Variants in EIPR1 observed in about 807,000 individuals in gnomAD.
EIPR1 encodes EARP and GARP complex-interacting protein 1.
Under a neutral mutation model 48.1 loss-of-function variants are expected in EIPR1, and 25 were observed. The ratio of observed to expected loss-of-function variants is 0.52; its 90% CI spans 0.38 to 0.73. The LOEUF (loss-of-function observed/expected upper bound fraction) is 0.73, where lower values mean the gene tolerates loss of function less well. EIPR1 is among the 30% of genes least tolerant of loss of function. The probability of loss-of-function intolerance (pLI) is 0.00; values close to 1 mark genes in which losing one functional copy is unlikely to be tolerated. For missense variants in EIPR1, 415 were observed against 506.2 expected, an observed-to-expected ratio of 0.82 and a Z score of 1.73; for synonymous variants, 204 against 201.9, an observed-to-expected ratio of 1.01 and a Z score of -0.09.
intron 3 of EIPR1, among the ~76,000 whole-genome samples, chr2:3,266,890 C>T (rs912344181): frequency 6.6e-6 from 1 of 152,382 alleles, no homozygotes; most frequent in Admixed American, 6.5e-5. Context: ...GACCACCGTG[C>T]AGAGGCGTGG....
chr2:3,275,828 T>C (rs189154509), intron 3 of EIPR1, among the ~76,000 whole-genome samples: 135 of 152,290 alleles, frequency 8.9e-4, no homozygotes, highest in African/African-American at 2.8e-3. Context: ...TAAGTTAAAT[T>C]ATCTAGCTGC....
At chr2:3,334,115 T>G (rs909791088) in intron 3 of EIPR1, among the ~76,000 whole-genome samples, 1 of 152,050 alleles carries the variant, frequency 6.6e-6, no homozygotes, top group Admixed American at 6.5e-5. Flanking sequence ...AACAGGAGCT[T>G]CTCTATAAGC....
chr2:3,199,373 C>T (rs772876862), intron 5 of EIPR1, among the ~76,000 whole-genome samples: 18 of 152,146 alleles, frequency 1.2e-4, no homozygotes, highest in Middle Eastern at 3.4e-3. Flanking sequence ...ACGAAGATGA[C>T]GGGATTAAGA....
Position 3,196,963 on chromosome 2 carries a change from G to A in EIPR1, c.571C>T (p.Arg191Trp), listed in dbSNP as rs779589551. ...GTGCAGTTATGATGTGGGCTCCACC[G>A]TCCTGAGGTGAACTTCAGTTGTCCC... ...GKGQLKFTSG[R>W]WSPHHNCTQV... Residue 191 changes from arginine to tryptophan, a missense_variant, in exon 6 of 9, where the codon CGG (arginine) becomes TGG (tryptophan). Transcript: ENST00000382125. 10 of 1,613,852 alleles carry A rather than the reference G, an allele frequency of 6.2e-6. No individual in the cohort carries two copies. Among genetic ancestry groups the A allele is most frequent in the South Asian group, 4.4e-5 (4 of 91,088 alleles).
intron 3 of EIPR1, among the ~76,000 whole-genome samples, chr2:3,305,959 A>T (rs1418723438): frequency 6.6e-6 from 1 of 152,156 alleles, no homozygotes; most frequent in Non-Finnish European, 1.5e-5. Context: ...ATGACCTGAA[A>T]ATTTCAAATC....
In EIPR1 at chr2:3,199,503, G is replaced by A. The variant is rs181098723; in HGVS notation, c.517-2486C>T. ...ACGGCTTCAGCAGGTCCCTCTGTTC[G>A]CAGTCCCTGACTTCCTGCAACACCT... is the stretch of plus-strand genomic sequence containing the variant. On this transcript the variant is annotated intron_variant, in intron 5 of 8. Coordinates refer to ENST00000382125, the MANE Select transcript of EIPR1 (RefSeq NM_003310.5). Among the ~76,000 whole-genome samples, 108 of 152,302 alleles carry A rather than the reference G, an allele frequency of 7.1e-4. 1 individual carries two copies. The highest frequency in any genetic ancestry group is 2.3e-3 in the African/African-American group (95 of 41,558).
Position 3,286,441 on chromosome 2 carries a change from T to C in EIPR1, c.260-28986A>G, listed in dbSNP as rs895285310. Among the ~76,000 whole-genome samples, 4 of 151,316 alleles carry C rather than the reference T, an allele frequency of 2.6e-5. No individual in the cohort carries two copies. The highest frequency in any genetic ancestry group is 9.7e-5 in the African/African-American group (4 of 41,078). On this transcript the variant is annotated intron_variant, in intron 3 of 8. Transcript: ENST00000382125. The surrounding 1 kb of genome is among the most constrained non-coding windows in gnomAD (Gnocchi z 4.2). ...GAGCAGTGCCAAGGACCCCCGGGGG[T>C]GGGGCCATCCTACCAGGCATGTCCT...
Position 3,305,678 on chromosome 2 carries a change from C to A in EIPR1, c.259+32339G>T, listed in dbSNP as rs189409944. ...CGGGGAAAGACAGACAAAGGGGGACCTGCCCGCCCTCCAGAAAGGCCCTCA... is the reference window on the plus strand; with the variant it reads ...CGGGGAAAGACAGACAAAGGGGGACATGCCCGCCCTCCAGAAAGGCCCTCA... On this transcript the variant is annotated intron_variant, in intron 3 of 8. Coordinates refer to ENST00000382125, the MANE Select transcript of EIPR1 (RefSeq NM_003310.5). Among the ~76,000 whole-genome samples, 101 of 152,344 alleles carry A rather than the reference C, an allele frequency of 6.6e-4. 1 individual carries two copies. Among genetic ancestry groups the A allele is most frequent in the African/African-American group, 2.2e-3 (93 of 41,584 alleles).
In EIPR1 at chr2:3,337,953, C is replaced by T. The variant is rs1670115948; in HGVS notation, c.259+64G>A. 8 of 1,529,888 alleles carry T rather than the reference C, an allele frequency of 5.2e-6. No homozygotes were observed. In the East Asian group the frequency reaches 6.9e-5, roughly 13 times the overall value. 94.8% of individuals were successfully genotyped at this position (1,529,888 alleles called of 1,614,324 possible). On this transcript the variant is annotated intron_variant, in intron 3 of 8. Transcript: ENST00000382125. Reference sequence around the variant, plus strand: ...GTGTCGACCCATTAGCAATACAAAACCCGTCTTAGGAAATACCTCCAGTTA... The same window carrying T: ...GTGTCGACCCATTAGCAATACAAAATCCGTCTTAGGAAATACCTCCAGTTA...
At chr2:3,226,661 GTCTTATCCAAAAGA>G (rs1666076313) in intron 4 of EIPR1, among the ~76,000 whole-genome samples, 1 of 152,160 alleles carries the variant, frequency 6.6e-6, no homozygotes, top group Non-Finnish European at 1.5e-5. Flanking sequence ...GTGCTTTTGT[GTCTTATCCAAAAGA>G]TCATTGCCAA....
At chr2:3,208,401 A>ATCTGGGGCTGTGGGTCAGG in intron 5 of EIPR1, 1 of 1,430,296 alleles carries the variant, frequency 7.0e-7, no homozygotes, top group Non-Finnish European at 9.2e-7. Context: ...ACAGCCCCAG[A>ATCTGGGGCTGTGGGTCAGG]TCTGGCACTC....
At chr2:3,239,750 C>T (rs1666534171) in intron 4 of EIPR1, among the ~76,000 whole-genome samples, 1 of 152,226 alleles carries the variant, frequency 6.6e-6, no homozygotes, top group Non-Finnish European at 1.5e-5. Flanking sequence ...GGTGCAGACA[C>T]TCAGGGCATC....
chr2:3,220,043 A>G (rs1665825043), intron 4 of EIPR1, among the ~76,000 whole-genome samples: 1 of 152,210 alleles, frequency 6.6e-6, no homozygotes, highest in African/African-American at 2.4e-5. Flanking sequence ...TGAACTGTGC[A>G]TGAGAGGGAT....
chr2:3,343,177 T>C (rs915463574), intron 2 of EIPR1, among the ~76,000 whole-genome samples: 1 of 152,212 alleles, frequency 6.6e-6, no homozygotes, highest in Non-Finnish European at 1.5e-5. Context: ...CCCCGCCACC[T>C]GCCCTGTGGA....
intron 1 of EIPR1, among the ~76,000 whole-genome samples, chr2:3,363,122 C>A (rs1187974530): frequency 6.6e-6 from 1 of 152,152 alleles, no homozygotes; most frequent in Non-Finnish European, 1.5e-5. Context: ...AGCATTCCTG[C>A]CAGCCTGCGA....
At chr2:3,266,062 C>T (rs368358237) in intron 3 of EIPR1, among the ~76,000 whole-genome samples, 22 of 152,330 alleles carry the variant, frequency 1.4e-4, no homozygotes, top group East Asian at 1.3e-3. Context: ...GGCATATTCG[C>T]GACTGCCAAC....
At chr2:3,347,726 G>C (rs1670446454) in intron 2 of EIPR1, among the ~76,000 whole-genome samples, 2 of 152,338 alleles carry the variant, frequency 1.3e-5, no homozygotes, top group South Asian at 4.1e-4. Context: ...GAATTTCCAA[G>C]TATGGCAGAC....
At chr2:3,255,619 C>T (rs1667131476) in intron 4 of EIPR1, among the ~76,000 whole-genome samples, 1 of 152,196 alleles carries the variant, frequency 6.6e-6, no homozygotes, top group African/African-American at 2.4e-5. Context: ...AGTTGAGAAG[C>T]AGTCTGACAG....
At chr2:3,295,207 C>T (rs1668515445) in intron 3 of EIPR1, among the ~76,000 whole-genome samples, 1 of 148,976 alleles carries the variant, frequency 6.7e-6, no homozygotes, top group Non-Finnish European at 1.5e-5. Flanking sequence ...CACACACACA[C>T]CCTCCATCCA....
Sources: gnomAD v4.1 joint callset for allele counts (sites outside exome capture counted in the v4.1 genomes callset) on GRCh38, gnomAD v4.1.1 for gene constraint, Gnocchi (gnomAD v3.1) non-coding constraint, MANE v1.5 for transcripts, NCBI Gene and HGNC (gene_info 2026-07-23, HGNC 2026-07-21) for gene names.